The following NPAS3 variants were observed in gnomAD, a reference collection of about 807,000 sequenced individuals.
NPAS3 encodes neuronal PAS domain protein 3, also known as neuronal PAS domain-containing protein 3.
A neutral mutation model predicts 73.1 loss-of-function variants in NPAS3; 14 were observed. The ratio of observed to expected loss-of-function variants is 0.19; its 90% CI spans 0.13 to 0.30. The LOEUF (loss-of-function observed/expected upper bound fraction) is 0.30, where lower values mean the gene tolerates loss of function less well. Among genes scored for constraint, NPAS3 ranks in the 10% least tolerant of loss-of-function variants. NPAS3 has a pLI of 1.00. For synonymous variants in NPAS3, 620 were observed against 541.5 expected, an observed-to-expected ratio of 1.14 and a Z score of -2.01; for missense variants, 1,096 against 1,250.0, an observed-to-expected ratio of 0.88 and a Z score of 1.86.
chr14:33,623,742 T>G (rs79320979), intron 5 of NPAS3, among the ~76,000 whole-genome samples: 2,946 of 152,300 alleles, frequency 0.019, 92 homozygotes, highest in African/African-American at 0.065. Flanking sequence ...TATCTCCTAT[T>G]ATTTCGTTGT....
At chr14:33,791,047 C>T (rs149788941) in intron 9 of NPAS3, among the ~76,000 whole-genome samples, 22 of 152,318 alleles carry the variant, frequency 1.4e-4, no homozygotes, top group Non-Finnish European at 2.4e-4. Flanking sequence ...TTCCCACTGG[C>T]GCTTGGGGGT....
intron 7 of NPAS3, among the ~76,000 whole-genome samples, chr14:33,756,056 A>G (rs569691924): frequency 2.6e-5 from 4 of 152,302 alleles, no homozygotes; most frequent in Admixed American, 2.6e-4. Flanking sequence ...AACATTGAGG[A>G]TCTAATTTCA....
chr14:33,185,608 T>G (rs2045949277), intron 2 of NPAS3, among the ~76,000 whole-genome samples: 1 of 152,126 alleles, frequency 6.6e-6, no homozygotes, highest in South Asian at 2.1e-4. Context: ...TTGCCTAAAA[T>G]TTAGCTAATG....
chr14:33,103,325 C>T (rs1468148826), intron 2 of NPAS3, among the ~76,000 whole-genome samples: 1 of 152,146 alleles, frequency 6.6e-6, no homozygotes, highest in Non-Finnish European at 1.5e-5. Flanking sequence ...GTCAAGAGCT[C>T]ACCTGAAAGT....
chr14:33,650,806 A>T (rs2058969871), intron 5 of NPAS3, among the ~76,000 whole-genome samples: 1 of 152,036 alleles, frequency 6.6e-6, no homozygotes. Flanking sequence ...TGCCTCTGCC[A>T]GGAGCAGCAG....
At chr14:33,529,354 T>C (rs190588244) in intron 4 of NPAS3, among the ~76,000 whole-genome samples, 5 of 152,228 alleles carry the variant, frequency 3.3e-5, no homozygotes, top group Admixed American at 2.0e-4. Flanking sequence ...AGAGCATGCC[T>C]CAGGGGTATT....
At chr14:33,322,411 T>G (rs1029993057) in intron 3 of NPAS3, among the ~76,000 whole-genome samples, 2 of 152,152 alleles carry the variant, frequency 1.3e-5, no homozygotes, top group Non-Finnish European at 2.9e-5. Flanking sequence ...GATCTACTTT[T>G]GCATTCCTGA....
chr14:33,692,895 A>C (rs1248004195), intron 6 of NPAS3, among the ~76,000 whole-genome samples: 1 of 148,134 alleles, frequency 6.8e-6, no homozygotes, highest in Non-Finnish European at 1.5e-5. Flanking sequence ...ACTTTATCGT[A>C]GCAAAATATC....
intron 2 of NPAS3, among the ~76,000 whole-genome samples, chr14:33,199,564 G>A (rs1185943892): frequency 6.6e-6 from 1 of 152,038 alleles, no homozygotes; most frequent in Non-Finnish European, 1.5e-5. Flanking sequence ...AGTGTAGAAA[G>A]GGGAGGAGAC....
chr14:33,442,125 C>A (rs1364233468), intron 4 of NPAS3, among the ~76,000 whole-genome samples: 1 of 152,146 alleles, frequency 6.6e-6, no homozygotes, highest in Non-Finnish European at 1.5e-5. Context: ...TATGTGGTCT[C>A]AGTAGGGTGA....
At chr14:33,707,116 C>T (rs1488863294) in intron 6 of NPAS3, among the ~76,000 whole-genome samples, 1 of 152,296 alleles carries the variant, frequency 6.6e-6, no homozygotes, top group East Asian at 1.9e-4. Context: ...TGTGGGTACT[C>T]ACATCAGTCT....
chr14:33,665,504 G>A (rs2059427287), intron 5 of NPAS3, among the ~76,000 whole-genome samples: 1 of 152,090 alleles, frequency 6.6e-6, no homozygotes, highest in African/African-American at 2.4e-5. Context: ...CGTAAAAGGT[G>A]ACATTCAGTA....
At chr14:33,675,970 C>A (rs534588485) in intron 5 of NPAS3, among the ~76,000 whole-genome samples, 1 of 148,998 alleles carries the variant, frequency 6.7e-6, no homozygotes, top group African/African-American at 2.5e-5. Context: ...ATGCAAACAA[C>A]AGTGTGTGAG....
At chr14:33,566,413 C>T (rs113128812) in intron 5 of NPAS3, among the ~76,000 whole-genome samples, 2 of 152,112 alleles carry the variant, frequency 1.3e-5, no homozygotes, top group Non-Finnish European at 2.9e-5. Context: ...TTCCTCTGTT[C>T]GATCCAGATA....
chr14:33,092,214 G>C, intron 2 of NPAS3, among the ~76,000 whole-genome samples: 1 of 152,090 alleles, frequency 6.6e-6, no homozygotes, highest in Non-Finnish European at 1.5e-5. Flanking sequence ...CTGTATATTT[G>C]GAAAACCCCA....
At chr14:33,538,024 G>A (rs1238836730) in intron 4 of NPAS3, among the ~76,000 whole-genome samples, 1 of 151,618 alleles carries the variant, frequency 6.6e-6, no homozygotes, top group East Asian at 1.9e-4. Flanking sequence ...GGGTTGTGGT[G>A]GCATAGACCA....
At chr14:33,743,085 G>A (rs906721685) in intron 7 of NPAS3, among the ~76,000 whole-genome samples, 2 of 151,606 alleles carry the variant, frequency 1.3e-5, no homozygotes, top group Admixed American at 1.3e-4. Context: ...TCAAACTCCT[G>A]TTCATGTGAC....
chr14:32,988,202 G>A (rs955764130), intron 1 of NPAS3, among the ~76,000 whole-genome samples: 1 of 151,980 alleles, frequency 6.6e-6, no homozygotes, highest in Non-Finnish European at 1.5e-5. Flanking sequence ...ATTAAATTAT[G>A]GTTTAAAGTC....
At chr14:33,090,496 A>G (rs1055049134) in intron 2 of NPAS3, among the ~76,000 whole-genome samples, 1 of 152,248 alleles carries the variant, frequency 6.6e-6, no homozygotes, top group African/African-American at 2.4e-5. Flanking sequence ...AGATTCATAA[A>G]TCAAGTCCTT....
Sources: gnomAD v4.1 joint callset for allele counts (sites outside exome capture counted in the v4.1 genomes callset) on GRCh38, gnomAD v4.1.1 for gene constraint, MANE v1.5 for transcripts, NCBI Gene and HGNC (gene_info 2026-07-23, HGNC 2026-07-21) for gene names.